TSPAN3: variants seen among roughly 807,000 people sequenced by gnomAD.
The protein encoded by TSPAN3 is tetraspanin-3.
In TSPAN3, 9 loss-of-function variants were observed where a neutral mutation model predicts 31.1. The observed-to-expected ratio is 0.29, with a 90% confidence interval of 0.17 to 0.50. TSPAN3 has a LOEUF of 0.50. TSPAN3 is among the 20% of genes least tolerant of loss of function. TSPAN3 has a pLI of 0.98. For missense variants in TSPAN3, 252 were observed against 313.5 expected, an observed-to-expected ratio of 0.80 and a Z score of 1.48; for synonymous variants, 129 against 114.3, an observed-to-expected ratio of 1.13 and a Z score of -0.82.
chr15:77,061,102 C>T (rs2152697153), intron 1 of TSPAN3, among the ~76,000 whole-genome samples: 1 of 152,312 alleles, frequency 6.6e-6, no homozygotes, highest in Non-Finnish European at 1.5e-5. Context: ...TACCCTTCCT[C>T]TACATATGCA....
At position 77,054,214 on chromosome 15, in the gene TSPAN3, A is replaced by T. The variant is rs1049619493; in HGVS notation, c.396T>A (p.Asp132Glu). 1 of 1,614,054 alleles carries T rather than the reference A, an allele frequency of 6.2e-7. No homozygotes were observed. Among genetic ancestry groups the T allele is most frequent in the African/African-American group, 1.3e-5 (1 of 75,048 alleles). ...VYKTYNGTNP[D>E]AASRAIDYVQ... ...CATAATCAATAGCCCGGCTAGCAGC[A>T]TCAGGGTTGGTTCCATTGTAGGTCT... The change falls in exon 4 of 7, where the codon GAT becomes GAA. Residue 132 changes from aspartate to glutamate, a missense_variant. Transcript: ENST00000267970.
intron 1 of TSPAN3, chr15:77,063,638 T>A (rs2076813283): frequency 6.6e-6 from 1 of 152,266 alleles, no homozygotes; most frequent in African/African-American, 2.4e-5. Context: ...CCAAAGGTCA[T>A]GCTCCTCAAT....
chr15:77,043,464 G>A lies in TSPAN3; in HGVS notation c.*3371C>T, dbSNP rs547207324. 4.6e-5 allele frequency: 7 copies of A among 152,156 alleles called. No individual in the cohort carries two copies. The South Asian group carries it at 8.3e-4, about 18-fold the overall frequency. 9.4% of individuals were successfully genotyped at this position (152,156 alleles called of 1,614,324 possible). A position where few individuals can be genotyped will look rare whatever the true frequency, so the allele number is the denominator to read the frequency against. On this transcript the variant is annotated 3_prime_UTR_variant, in exon 7 of 7. Transcript: ENST00000267970. ...GGGGCAGATGGGCATTGTGTGCCTC[G>A]AGATGCGATGCCCTGAGAGGCCGCG...
At position 77,045,822 on chromosome 15, in the gene TSPAN3, A is replaced by G. The variant is rs78881778; in HGVS notation, c.*1013T>C. On this transcript the variant is annotated 3_prime_UTR_variant, in exon 7 of 7. Transcript: ENST00000267970. Reference sequence around the variant, plus strand: ...AGTATCGCCACTGTATCCCCAGTGCATTGCACAAAGTAGAGCTCTATATTT... The same window carrying G: ...AGTATCGCCACTGTATCCCCAGTGCGTTGCACAAAGTAGAGCTCTATATTT... The G allele has an allele frequency of 1.3e-5, 2 of 152,140 alleles. No homozygotes were observed. Among genetic ancestry groups the G allele is most frequent in the South Asian group, 2.1e-4 (1 of 4,834 alleles). The allele number at this position is 152,140 out of a possible 1,614,324, so 9.4% of individuals were successfully genotyped here.
chr15:77,062,215 C>G (rs891871163), intron 1 of TSPAN3, among the ~76,000 whole-genome samples: 1 of 152,170 alleles, frequency 6.6e-6, no homozygotes, highest in Admixed American at 6.5e-5. Context: ...GAAAGCTTCC[C>G]CAAACTTCAC....
chr15:77,052,818 A>T lies in TSPAN3; in HGVS notation c.544T>A (p.Cys182Ser). Reference protein sequence around the residue: ...LSCCRETASNCNGSLAHPSDL... With the variant: ...LSCCRETASNSNGSLAHPSDL... Reference sequence around the variant, plus strand: ...GAAGGGTGGGCCAGGCTGCCATTACAATTGCTGGCAGTCTCTCTGCAGCAG... The same window carrying T: ...GAAGGGTGGGCCAGGCTGCCATTACTATTGCTGGCAGTCTCTCTGCAGCAG... Residue 182 changes from cysteine to serine, a missense_variant, in exon 5 of 7, where the codon TGT (cysteine) becomes AGT (serine). Transcript: ENST00000267970. 1 of 1,614,112 alleles carries T rather than the reference A, an allele frequency of 6.2e-7. No homozygotes were observed. The highest frequency in any genetic ancestry group is 2.2e-5 in the East Asian group (1 of 44,878).
In TSPAN3 at chr15:77,071,004, C is replaced by A. The variant is rs1457433180; in HGVS notation, c.-50G>T. 1.5e-6 allele frequency: 2 copies of A among 1,328,436 alleles called. No homozygotes were observed. Among genetic ancestry groups the A allele is most frequent in the Non-Finnish European group, 2.0e-6 (2 of 1,024,394 alleles). The allele number at this position is 1,328,436 out of a possible 1,614,324, so 82.3% of individuals were successfully genotyped here. A position where few individuals can be genotyped will look rare whatever the true frequency, so the allele number is the denominator to read the frequency against. On this transcript the variant is annotated 5_prime_UTR_variant, in exon 1 of 7. Transcript: ENST00000267970. Reference sequence around the variant, plus strand: ...GGCCCGGAGAGCGGGGCTGCGCTCACCGAGAGAGCGGCAATGGCGGCGGCG... The same window carrying A: ...GGCCCGGAGAGCGGGGCTGCGCTCAACGAGAGAGCGGCAATGGCGGCGGCG...
chr15:77,049,847 G>A (rs2076718366), intron 6 of TSPAN3, among the ~76,000 whole-genome samples: 1 of 152,138 alleles, frequency 6.6e-6, no homozygotes, highest in African/African-American at 2.4e-5. Context: ...TCTTACCTCT[G>A]TATTTTATCC....
At chr15:77,070,305 G>A (rs1188076900) in intron 1 of TSPAN3, among the ~76,000 whole-genome samples, 3 of 152,162 alleles carry the variant, frequency 2.0e-5, no homozygotes, top group African/African-American at 7.2e-5. Flanking sequence ...CAAATAGACC[G>A]ATGTTCTTGG....
At chr15:77,047,349 T>C (rs558077374) in intron 6 of TSPAN3, among the ~76,000 whole-genome samples, 1 of 152,234 alleles carries the variant, frequency 6.6e-6, no homozygotes, top group Non-Finnish European at 1.5e-5. Flanking sequence ...TGTAGACACA[T>C]GTGGCTAGTG....
chr15:77,067,344 G>A (rs2076839597), intron 1 of TSPAN3, among the ~76,000 whole-genome samples: 1 of 152,202 alleles, frequency 6.6e-6, no homozygotes, highest in African/African-American at 2.4e-5. Context: ...TTAGCTGTCA[G>A]ATAATTTACA....
chr15:77,056,772 A>C (rs2076771381), intron 1 of TSPAN3, among the ~76,000 whole-genome samples: 2 of 152,156 alleles, frequency 1.3e-5, no homozygotes, highest in South Asian at 4.1e-4. Context: ...ACTTCCAAAA[A>C]TCTTGCTGTC....
intron 1 of TSPAN3, among the ~76,000 whole-genome samples, chr15:77,063,083 T>C (rs755151944): frequency 2.6e-5 from 4 of 152,216 alleles, no homozygotes; most frequent in Non-Finnish European, 5.9e-5. Context: ...CTCTCACCAA[T>C]GAATTCATTC....
Position 77,052,876 on chromosome 15 carries a change from G to A in TSPAN3, c.486C>T (p.Phe162=). 1 of 1,613,964 alleles carries A rather than the reference G, an allele frequency of 6.2e-7. No homozygotes were observed. The highest frequency in any genetic ancestry group is 1.1e-5 in the South Asian group (1 of 91,048). ...GGACACTCTGGTTTTTGGTTTCTTT[G>A]AACCAATCTGTATTTTCCCAGTCTG... ...NYSDWENTDW[F]KETKNQSVPL... is the part of the protein sequence containing the mutation. The change falls in exon 5 of 7, where the codon TTC becomes TTT. Residue 162 remains phenylalanine, a synonymous_variant. Coordinates refer to ENST00000267970, the MANE Select transcript of TSPAN3 (RefSeq NM_005724.6).
intron 6 of TSPAN3, among the ~76,000 whole-genome samples, chr15:77,051,835 G>A (rs1193802002): frequency 2.0e-5 from 3 of 152,154 alleles, no homozygotes; most frequent in African/African-American, 4.8e-5. Context: ...TCAAGCCTGG[G>A]TGACAGAGTG....
At chr15:77,046,981 G>C (rs2076696750) in intron 6 of TSPAN3, 54 bp from the exon 7 acceptor site, 2 of 1,403,278 alleles carry the variant, frequency 1.4e-6, no homozygotes, top group Non-Finnish European at 2.0e-6. Context: ...TCTCATGGCA[G>C]GTGTGTATTT....
intron 6 of TSPAN3, among the ~76,000 whole-genome samples, chr15:77,051,796 T>C (rs1480141392): frequency 6.6e-6 from 1 of 152,114 alleles, no homozygotes; most frequent in Non-Finnish European, 1.5e-5. Flanking sequence ...AGTTCAAAGT[T>C]ACAGTGAGCT....
At chr15:77,052,641 T>A in intron 5 of TSPAN3, 136 bp downstream of exon 5, 1 of 1,124,080 alleles carries the variant, frequency 8.9e-7, no homozygotes, top group South Asian at 1.6e-5. Flanking sequence ...GACATGCATT[T>A]TATAATAATT....
At chr15:77,069,388 T>C (rs2076853074) in intron 1 of TSPAN3, among the ~76,000 whole-genome samples, 1 of 152,202 alleles carries the variant, frequency 6.6e-6, no homozygotes, top group African/African-American at 2.4e-5. Context: ...CGACTTTTGC[T>C]AATGGAACTG....
Sources: gnomAD v4.1 joint callset for allele counts (sites outside exome capture counted in the v4.1 genomes callset) on GRCh38, gnomAD v4.1.1 for gene constraint, MANE v1.5 for transcripts, NCBI Gene and HGNC (gene_info 2026-07-23, HGNC 2026-07-21) for gene names.